The following DCAF4 variants were observed in gnomAD, a reference collection of about 807,000 sequenced individuals.
DCAF4 encodes the protein DDB1- and CUL4-associated factor 4.
In DCAF4, 37 loss-of-function variants were observed where a neutral mutation model predicts 60.9. That is an observed-to-expected ratio of 0.61 (90% CI 0.47 to 0.80). The LOEUF (loss-of-function observed/expected upper bound fraction) is 0.80. Among genes scored for constraint, DCAF4 ranks in the 30% least tolerant of loss-of-function variants. The pLI is 0.00. For synonymous variants in DCAF4, 243 were observed against 254.8 expected (o/e 0.95, Z 0.44); for missense variants, 577 against 650.0 (o/e 0.89, Z 1.22).
rs759235473 is a variant in DCAF4, at chr14:72,959,435, G to A, written c.*630G>A. Reference sequence around the variant, plus strand: ...TTCTTACATGCTAGAAGTTTTAAACGGTCCTTAACATGCCTTTGTTCAAGC... The same window carrying A: ...TTCTTACATGCTAGAAGTTTTAAACAGTCCTTAACATGCCTTTGTTCAAGC... On this transcript the variant is annotated 3_prime_UTR_variant, in exon 14 of 14. Coordinates refer to ENST00000358377, the MANE Select transcript of DCAF4 (RefSeq NM_015604.4). 104 of 985,308 alleles carry A rather than the reference G, an allele frequency of 1.1e-4. No homozygotes were observed. The highest frequency in any genetic ancestry group is 1.2e-4 in the Non-Finnish European group (99 of 829,930). 61.0% of individuals were successfully genotyped at this position (985,308 alleles called of 1,614,324 possible). A position where few individuals can be genotyped will look rare whatever the true frequency, so the allele number is the denominator to read the frequency against.
rs191958611 is a variant in DCAF4, at chr14:72,928,511, C to A, written c.-9+1968C>A. Reference sequence around the variant, plus strand: ...CGCCCGGCCAGTCTACAGACTCTTACAAAATTCCCCTGTTGTTGGATATCT... The same window carrying A: ...CGCCCGGCCAGTCTACAGACTCTTAAAAAATTCCCCTGTTGTTGGATATCT... On this transcript the variant is annotated intron_variant, in intron 1 of 13. Transcript: ENST00000358377. Among the ~76,000 whole-genome samples, 1,389 of 151,514 alleles carry A rather than the reference C, an allele frequency of 9.2e-3. 8 individuals are homozygous for A. Among genetic ancestry groups the A allele is most frequent in the South Asian group, 0.015 (74 of 4,796 alleles).
At chr14:72,940,597 T>G (rs1889911368) in intron 4 of DCAF4, 4 of 463,196 alleles carry the variant, frequency 8.6e-6, no homozygotes, top group African/African-American at 4.1e-5. Flanking sequence ...AGTTGTTTTT[T>G]TTTTTTTTTT....
chr14:72,947,455 C>T (rs1320026274), intron 8 of DCAF4, among the ~76,000 whole-genome samples: 1 of 152,226 alleles, frequency 6.6e-6, no homozygotes, highest in Non-Finnish European at 1.5e-5. Context: ...CTGTCTGGGC[C>T]TTCACATGCA....
intron 6 of DCAF4, 109 bp from the exon 7 acceptor site, chr14:72,945,775 T>C (rs1486327957): frequency 6.3e-6 from 9 of 1,417,970 alleles, no homozygotes; most frequent in Non-Finnish European, 7.7e-6. Context: ...AACTCTCACC[T>C]AGTGAAAATG....
At chr14:72,929,692 G>A in intron 1 of DCAF4, 1 of 1,307,338 alleles carries the variant, frequency 7.6e-7, no homozygotes, top group Non-Finnish European at 1.1e-6. Context: ...GCACGGATGT[G>A]CGTCCCCACC....
chr14:72,952,005 G>A, intron 9 of DCAF4, 128 bp downstream of exon 9: 2 of 935,344 alleles, frequency 2.1e-6, no homozygotes, highest in Non-Finnish European at 1.7e-6. Context: ...CTGTCCCAGG[G>A]TTAGTACCAG....
At chr14:72,955,472 C>A in intron 11 of DCAF4, 51 bp from the exon 12 acceptor site, 1 of 1,591,664 alleles carries the variant, frequency 6.3e-7, no homozygotes. Flanking sequence ...CCTGCCCAGC[C>A]TCAGAGGGAT....
chr14:72,939,839 G>T lies in DCAF4; in HGVS notation c.130G>T (p.Gly44Cys). The T allele has an allele frequency of 6.2e-7, 1 of 1,613,160 alleles. No homozygotes were observed. Among genetic ancestry groups the T allele is most frequent in the Non-Finnish European group, 8.5e-7 (1 of 1,179,628 alleles). The stretch of plus-strand genomic sequence containing the variant: ...GGCAGCACAGCCCGCTCACGATTCC[G>T]GCCACGGTGATGACGAGTCTCCGTC... Reference protein sequence around the residue: ...SRAAQPAHDSGHGDDESPSTS... With the variant: ...SRAAQPAHDSCHGDDESPSTS... The change falls in exon 3 of 14, where the codon GGC (glycine) becomes TGC (cysteine). Residue 44 changes from glycine (G) to cysteine (C), a missense_variant. Physicochemically the swap from Gly to Cys is radical, Grantham distance 159 (BLOSUM62 -3). Coordinates refer to ENST00000358377, the MANE Select transcript of DCAF4 (RefSeq NM_015604.4).
At chr14:72,928,585 TTATATA>T (rs57258334) in intron 1 of DCAF4, among the ~76,000 whole-genome samples, 1,038 of 15,874 alleles carry the variant, frequency 0.065, 16 homozygotes, top group African/African-American at 0.092. Flanking sequence ...TAAACATCCT[TTATATA>T]TATATATATA....
At position 72,953,732 on chromosome 14, in the gene DCAF4, A is replaced by AAAAAAATATATATATAT. The variant is rs1555527852; in HGVS notation, c.809-431_809-430insAAAAATATATATATATA. ...CTTAAAAAAAAAAAAAAAAAAAAAA[A>AAAAAAATATATATATAT]ATATATATATATATATATATATATA... On this transcript the variant is annotated intron_variant, in intron 9 of 13. Coordinates refer to ENST00000358377, the MANE Select transcript of DCAF4 (RefSeq NM_015604.4). 8.7e-4 allele frequency among the ~76,000 whole-genome samples: 19 copies of AAAAAAATATATATATAT among 21,778 alleles called. 3 individuals carry two copies. The highest frequency in any genetic ancestry group is 2.4e-3 in the Admixed American group (3 of 1,256). The allele number at this position is 21,778 out of a possible 152,430, so 14.3% of individuals were successfully genotyped here.
intron 9 of DCAF4, among the ~76,000 whole-genome samples, chr14:72,952,691 C>CT (rs1215172512): frequency 0.4 from 42,192 of 105,194 alleles, 9,710 homozygotes; most frequent in Non-Finnish European, 0.49. Flanking sequence ...CTTGTCTTGT[C>CT]TTTTTTTTTT....
chr14:72,956,715 T>G, intron 13 of DCAF4: 1 of 480,476 alleles, frequency 2.1e-6, no homozygotes, highest in Non-Finnish European at 3.8e-6. Context: ...GACAGCCTCA[T>G]CCCATGTCAG....
In DCAF4 at chr14:72,959,560, T is replaced by C. The variant is rs908891137; in HGVS notation, c.*755T>C. 8.1e-6 allele frequency: 8 copies of C among 985,396 alleles called. No homozygotes were observed. The highest frequency in any genetic ancestry group is 9.6e-6 in the Non-Finnish European group (8 of 829,936). 61.0% of individuals were successfully genotyped at this position (985,396 alleles called of 1,614,324 possible). On this transcript the variant is annotated 3_prime_UTR_variant, in exon 14 of 14. Transcript: ENST00000358377. ...GTCAAAGGAAATTGGTTTTGACTTT[T>C]TGTAATCTAGGAGCGACAGTTCGTG... is the stretch of plus-strand genomic sequence containing the variant.
chr14:72,937,602 G>A (rs1261757465), intron 1 of DCAF4, among the ~76,000 whole-genome samples: 1 of 151,968 alleles, frequency 6.6e-6, no homozygotes, highest in Non-Finnish European at 1.5e-5. Context: ...TGTATTTTTA[G>A]TAGAGATGGG....
chr14:72,950,416 G>A (rs928140051), intron 8 of DCAF4, among the ~76,000 whole-genome samples: 1 of 152,194 alleles, frequency 6.6e-6, no homozygotes, highest in South Asian at 2.1e-4. Context: ...TGGCCATAGG[G>A]CAGAACTGGA....
downstream of DCAF4, chr14:72,961,877 A>G: frequency 9.0e-7 from 1 of 1,116,328 alleles, no homozygotes; most frequent in Admixed American, 3.9e-5. Context: ...GATGGCCACT[A>G]CAATGCTGAT....
At chr14:72,928,422 G>C (rs1887978031) in intron 1 of DCAF4, among the ~76,000 whole-genome samples, 1 of 146,510 alleles carries the variant, frequency 6.8e-6, no homozygotes, top group African/African-American at 2.5e-5. Flanking sequence ...TCACATATCT[G>C]CCGACCTCGT....
intron 1 of DCAF4, among the ~76,000 whole-genome samples, chr14:72,935,387 C>T (rs1345069469): frequency 3.3e-5 from 5 of 152,048 alleles, no homozygotes; most frequent in Non-Finnish European, 7.4e-5. Context: ...CCCAAGTAAC[C>T]GGGATTACAG....
intron 4 of DCAF4, 34 bp downstream of exon 4, chr14:72,940,411 C>A: frequency 1.3e-6 from 2 of 1,578,446 alleles, no homozygotes; most frequent in South Asian, 1.2e-5. Flanking sequence ...CCTGTCCTCT[C>A]CGCTCCTGCC....
Sources: allele counts gnomAD v4.1 joint callset (sites outside exome capture counted in the v4.1 genomes callset), GRCh38; gene constraint gnomAD v4.1.1; transcripts MANE v1.5; gene names NCBI Gene and HGNC (gene_info 2026-07-23, HGNC 2026-07-21).